Variants in RTTN observed in about 807,000 individuals in gnomAD.
RTTN encodes rotatin.
In RTTN, 182 loss-of-function variants were observed where a neutral mutation model predicts 269.2. The ratio of observed to expected loss-of-function variants is 0.68; its 90% confidence interval spans 0.60 to 0.76. The LOEUF (loss-of-function observed/expected upper bound fraction) is 0.76. Among genes scored for constraint, RTTN ranks in the 30% least tolerant of loss-of-function variants. The pLI is 0.00. For synonymous variants in RTTN, 1,006 were observed against 963.5 expected, an observed-to-expected ratio of 1.04 and a Z score of -0.82; for missense variants, 2,545 against 2,608.6, an observed-to-expected ratio of 0.98 and a Z score of 0.53.
In RTTN at chr18:70,176,847, T is replaced by C; in HGVS notation, c.1306-2A>G. On this transcript the variant is annotated splice_acceptor_variant, in intron 10 of 48. Transcript: ENST00000640769. LOFTEE classifies it high-confidence loss of function. ...CAACACCAGGAGTAGTTTCTCCTTC[T>C]GAAAACATTTACACAACATGAAACA... 6.2e-7 allele frequency: 1 copy of C among 1,612,230 alleles called. No individual in the cohort carries two copies. Among genetic ancestry groups the C allele is most frequent in the Non-Finnish European group, 8.5e-7 (1 of 1,179,060 alleles).
chr18:70,119,584 C>T (rs2059685319), intron 26 of RTTN, among the ~76,000 whole-genome samples: 1 of 152,092 alleles, frequency 6.6e-6, no homozygotes, highest in African/African-American at 2.4e-5. Flanking sequence ...AGATACAATT[C>T]ATGAAAAGAC....
chr18:70,145,889 G>A (rs2060378253), intron 17 of RTTN, 106 bp from the exon 18 acceptor site: 1 of 805,744 alleles, frequency 1.2e-6, no homozygotes, highest in Admixed American at 2.8e-5. Flanking sequence ...ACAATAAGTA[G>A]TCACAATTAT....
chr18:70,115,255 A>C (rs2059574588), intron 26 of RTTN, among the ~76,000 whole-genome samples: 1 of 152,026 alleles, frequency 6.6e-6, no homozygotes, highest in Non-Finnish European at 1.5e-5. Context: ...ATACAATTAC[A>C]CAGGACATGA....
At position 70,075,565 on chromosome 18, in the gene RTTN, G is replaced by A. The variant is rs285228; in HGVS notation, c.4375-24C>T. The A allele has an allele frequency of 0.96, 1,455,314 of 1,523,588 alleles. 699,507 individuals are homozygous for A. The highest frequency in any genetic ancestry group is 1 in the East Asian group (41,215 of 41,230). The allele number at this position is 1,523,588 out of a possible 1,614,324, so 94.4% of individuals were successfully genotyped here. A position where few individuals can be genotyped will look rare whatever the true frequency, so the allele number is the denominator to read the frequency against. ...CCCTGTAGGAAGAGAGGGAAAGAAG[G>A]AGGAGACACTGATTTATCCAACAAT... On this transcript the variant is annotated intron_variant, in intron 32 of 48. Transcript: ENST00000640769.
At chr18:70,196,373 A>G (rs1450985953) in intron 7 of RTTN, 128 bp downstream of exon 7, 1 of 707,392 alleles carries the variant, frequency 1.4e-6, no homozygotes, top group Non-Finnish European at 2.3e-6. Flanking sequence ...ATTTGAATAC[A>G]TTTAGGAGTG....
At chr18:70,199,815 G>C (rs1267671077) in intron 4 of RTTN, among the ~76,000 whole-genome samples, 8 of 152,194 alleles carry the variant, frequency 5.3e-5, no homozygotes, top group Non-Finnish European at 1.2e-4. Context: ...CCCTGTGGCT[G>C]ACCAGAACAT....
At chr18:70,130,061 A>C (rs1599694081) in intron 23 of RTTN, 1 of 152,130 alleles carries the variant, frequency 6.6e-6, no homozygotes, top group African/African-American at 2.4e-5. Flanking sequence ...AGAAATGCAA[A>C]TCAAAACCAC....
intron 14 of RTTN, among the ~76,000 whole-genome samples, chr18:70,160,128 A>T (rs1020325263): frequency 6.6e-6 from 1 of 151,464 alleles, no homozygotes; most frequent in Non-Finnish European, 1.5e-5. Flanking sequence ...GAGACACAAC[A>T]AAAAAAGAAA....
chr18:70,043,146 G>A (rs945588902), intron 40 of RTTN, among the ~76,000 whole-genome samples: 8 of 152,218 alleles, frequency 5.3e-5, no homozygotes, highest in Admixed American at 6.5e-5. Flanking sequence ...ATGAAGCGAT[G>A]AAGTTCTGAC....
intron 18 of RTTN, among the ~76,000 whole-genome samples, chr18:70,142,867 A>G (rs556100323): frequency 1.3e-5 from 2 of 152,288 alleles, no homozygotes; most frequent in African/African-American, 4.8e-5. Flanking sequence ...TCTACTAAAA[A>G]TACAAAAATT....
chr18:70,199,187 A>AAAAT (rs1447583144), intron 5 of RTTN, among the ~76,000 whole-genome samples: 7 of 152,140 alleles, frequency 4.6e-5, no homozygotes, highest in African/African-American at 9.7e-5. Flanking sequence ...CTCTGTCTCA[A>AAAAT]AAATAAATAA....
chr18:70,172,844 T>C (rs2061177922), intron 11 of RTTN, among the ~76,000 whole-genome samples: 1 of 152,170 alleles, frequency 6.6e-6, no homozygotes, highest in South Asian at 2.1e-4. Flanking sequence ...AAGTTTTCCA[T>C]CAATACTTCG....
rs61422284 is a variant in RTTN at position 70,065,270 on chromosome 18, T to TAAAA, written c.4747+555_4747+558dup. ...TAAGGCTTATATACTCTCTAGAATT[T>TAAAA]AAAAAAAAAAAAAAAAAGCAAAGTT... On this transcript the variant is annotated intron_variant, in intron 35 of 48. Coordinates refer to ENST00000640769, the MANE Select transcript of RTTN (RefSeq NM_173630.4). 4.0e-3 allele frequency among the ~76,000 whole-genome samples: 529 copies of TAAAA among 132,894 alleles called. 6 individuals are homozygous for TAAAA. The highest frequency in any genetic ancestry group is 0.025 in the East Asian group (116 of 4,682). 87.2% of individuals were successfully genotyped at this position (132,894 alleles called of 152,430 possible).
At chr18:70,126,134 T>C (rs948349220) in intron 25 of RTTN, among the ~76,000 whole-genome samples, 3 of 152,088 alleles carry the variant, frequency 2.0e-5, no homozygotes, top group Admixed American at 2.0e-4. Context: ...GATGCTCACA[T>C]ACAGTTACTG....
At chr18:70,055,272 G>T (rs1417176807) in intron 37 of RTTN, among the ~76,000 whole-genome samples, 1 of 151,950 alleles carries the variant, frequency 6.6e-6, no homozygotes, top group Non-Finnish European at 1.5e-5. Flanking sequence ...ATTTTATAAA[G>T]ATATTCTGAA....
chr18:70,089,472 A>G (rs772876749), intron 30 of RTTN, among the ~76,000 whole-genome samples: 17 of 152,196 alleles, frequency 1.1e-4, no homozygotes, highest in Non-Finnish European at 2.1e-4. Flanking sequence ...AGACAATGGT[A>G]TTTTGTTATG....
At chr18:70,172,184 G>C (rs1394980434) in intron 11 of RTTN, among the ~76,000 whole-genome samples, 1 of 152,054 alleles carries the variant, frequency 6.6e-6, no homozygotes, top group African/African-American at 2.4e-5. Flanking sequence ...GATTACCAAC[G>C]TATCATTTTA....
At chr18:70,048,689 T>C (rs1397789999) in intron 39 of RTTN, among the ~76,000 whole-genome samples, 1 of 152,162 alleles carries the variant, frequency 6.6e-6, no homozygotes, top group Non-Finnish European at 1.5e-5. Flanking sequence ...AAATTAAAGT[T>C]ACATAAGAAA....
Position 70,204,194 on chromosome 18 carries a change from C to T in RTTN, c.289G>A (p.Val97Met). ...VEFLSKLRSN[V>M]EPNLQAEIDG... ...ATTTCAGCCTGCAGATTTGGCTCCA[C>T]ATTAGACCGAAGCTTAGATAAGAAC... is the stretch of plus-strand genomic sequence containing the variant. Residue 97 changes from valine to methionine, a missense_variant, in exon 3 of 49, where the codon GTG (valine) becomes ATG (methionine). By Grantham distance (21) the Val-to-Met change is conservative. Coordinates refer to ENST00000640769, the MANE Select transcript of RTTN (RefSeq NM_173630.4). 6.2e-7 allele frequency: 1 copy of T among 1,614,144 alleles called. No individual in the cohort carries two copies. The highest frequency in any genetic ancestry group is 2.2e-5 in the East Asian group (1 of 44,882).
Sources: allele counts gnomAD v4.1 joint callset (sites outside exome capture counted in the v4.1 genomes callset), GRCh38; gene constraint gnomAD v4.1.1; transcripts MANE v1.5; gene names NCBI Gene and HGNC (gene_info 2026-07-23, HGNC 2026-07-21).